Variants in CSMD1 observed in about 807,000 individuals in gnomAD.
The protein encoded by CSMD1 is CUB and sushi domain-containing protein 1.
A neutral mutation model predicts 417.5 loss-of-function variants in CSMD1; 213 were observed. The ratio of observed to expected loss-of-function variants is 0.51; its 90% CI spans 0.46 to 0.57. The LOEUF (loss-of-function observed/expected upper bound fraction) is 0.57. Ranked by LOEUF, CSMD1 falls within the 20% of genes least tolerant of loss-of-function variation. The pLI is 0.00. For missense variants in CSMD1, 6,923 were observed against 4,529.7 expected (o/e 1.53, Z -15.17); for synonymous variants, 2,862 against 1,736.8 (o/e 1.65, Z -16.11).
At chr8:3,771,765 C>A (rs1433762953) in intron 5 of CSMD1, among the ~76,000 whole-genome samples, 1 of 152,154 alleles carries the variant, frequency 6.6e-6, no homozygotes, top group Non-Finnish European at 1.5e-5. Flanking sequence ...ATGACAGCAT[C>A]ATGCTCTCTC....
chr8:4,463,112 C>G (rs1799937981), intron 2 of CSMD1, among the ~76,000 whole-genome samples: 1 of 152,014 alleles, frequency 6.6e-6, no homozygotes, highest in Middle Eastern at 3.2e-3. Context: ...GACAAATTAC[C>G]AAGTATGGGC....
At chr8:3,589,912 T>C (rs78238466) in intron 8 of CSMD1, among the ~76,000 whole-genome samples, 5,720 of 151,906 alleles carry the variant, frequency 0.038, 283 homozygotes, top group Admixed American at 0.13. Flanking sequence ...CTCTGACTAA[T>C]TGATTTCATT....
intron 26 of CSMD1, among the ~76,000 whole-genome samples, chr8:3,277,182 G>A (rs1474197181): frequency 1.3e-5 from 2 of 152,106 alleles, no homozygotes; most frequent in Non-Finnish European, 2.9e-5. Flanking sequence ...GGATGATGTT[G>A]AAAATTGCTT....
chr8:3,016,993 G>T (rs913079130), intron 52 of CSMD1, among the ~76,000 whole-genome samples: 1 of 152,196 alleles, frequency 6.6e-6, no homozygotes, highest in Non-Finnish European at 1.5e-5. Flanking sequence ...TCATTTAACA[G>T]TTATGTAAAC....
intron 3 of CSMD1, among the ~76,000 whole-genome samples, chr8:4,132,749 T>G (rs1223820216): frequency 1.3e-5 from 2 of 152,174 alleles, no homozygotes; most frequent in Admixed American, 6.5e-5. Context: ...GCAGAGATAG[T>G]GTTGATGTTC....
chr8:4,030,033 G>C (rs62502685), intron 4 of CSMD1, among the ~76,000 whole-genome samples: 3 of 152,184 alleles, frequency 2.0e-5, no homozygotes, highest in African/African-American at 4.8e-5. Context: ...AGCTCCAACA[G>C]TCTTGGGCAG....
At chr8:4,667,956 T>C (rs1479604306) in intron 1 of CSMD1, among the ~76,000 whole-genome samples, 1 of 152,260 alleles carries the variant, frequency 6.6e-6, no homozygotes, top group African/African-American at 2.4e-5. Flanking sequence ...ACAATTCTTT[T>C]ACCTGCCATT....
chr8:3,035,565 G>A (rs1011171163), intron 50 of CSMD1, among the ~76,000 whole-genome samples: 3 of 152,110 alleles, frequency 2.0e-5, no homozygotes, highest in Admixed American at 1.3e-4. Context: ...CATAGTTTCA[G>A]GAATTGAATC....
chr8:4,559,397 A>T (rs547507820), intron 2 of CSMD1, among the ~76,000 whole-genome samples: 31 of 152,256 alleles, frequency 2.0e-4, no homozygotes, highest in African/African-American at 7.2e-4. Flanking sequence ...ATACTATTTC[A>T]CCAAATACAC....
At chr8:4,020,537 A>C (rs1333588626) in intron 4 of CSMD1, among the ~76,000 whole-genome samples, 1 of 152,212 alleles carries the variant, frequency 6.6e-6, no homozygotes, top group African/African-American at 2.4e-5. Flanking sequence ...TGAACATCTC[A>C]GATAAGAAGA....
At chr8:4,897,613 C>A (rs1370410520) in intron 1 of CSMD1, among the ~76,000 whole-genome samples, 1 of 152,054 alleles carries the variant, frequency 6.6e-6, no homozygotes, top group African/African-American at 2.4e-5. Context: ...ATTCAAAACT[C>A]ATTATTTGTC....
intron 5 of CSMD1, among the ~76,000 whole-genome samples, chr8:3,848,299 A>C (rs979394576): frequency 6.6e-6 from 1 of 152,150 alleles, no homozygotes; most frequent in Non-Finnish European, 1.5e-5. Flanking sequence ...TTCTACTGCG[A>C]TCCCACTAAC....
At chr8:4,570,623 G>A (rs1371599011) in intron 2 of CSMD1, among the ~76,000 whole-genome samples, 1 of 152,122 alleles carries the variant, frequency 6.6e-6, no homozygotes, top group African/African-American at 2.4e-5. Flanking sequence ...TTGTGTCTCT[G>A]CCAGGTTTTG....
chr8:4,169,168 C>T (rs79525975), intron 3 of CSMD1, among the ~76,000 whole-genome samples: 5,320 of 152,250 alleles, frequency 0.035, 316 homozygotes, highest in African/African-American at 0.12. Flanking sequence ...AACACCGTCT[C>T]TACGGTTTCA....
At chr8:4,972,379 T>TC (rs1226257272) in intron 1 of CSMD1, among the ~76,000 whole-genome samples, 2 of 152,004 alleles carry the variant, frequency 1.3e-5, no homozygotes, top group East Asian at 3.9e-4. Context: ...TGGGAGCAGT[T>TC]CCCCCCATGC....
At chr8:3,970,459 C>G (rs918381571) in intron 5 of CSMD1, among the ~76,000 whole-genome samples, 3 of 152,142 alleles carry the variant, frequency 2.0e-5, no homozygotes, top group African/African-American at 4.8e-5. Context: ...AAACTCTTGT[C>G]TCTTCTGTAA....
At chr8:3,227,915 G>A (rs1369457513) in intron 27 of CSMD1, among the ~76,000 whole-genome samples, 2 of 151,864 alleles carry the variant, frequency 1.3e-5, no homozygotes, top group African/African-American at 2.4e-5. Flanking sequence ...TCACAGGCAT[G>A]CACCACCACC....
intron 31 of CSMD1, 139 bp from the exon 32 acceptor site, chr8:3,201,864 A>C: frequency 2.2e-6 from 1 of 454,476 alleles, no homozygotes; most frequent in South Asian, 6.2e-5. Flanking sequence ...ATATTAACTT[A>C]TTTTCTCTGC....
chr8:3,081,539 C>T (rs558174330), intron 49 of CSMD1, among the ~76,000 whole-genome samples: 19 of 152,156 alleles, frequency 1.2e-4, no homozygotes, highest in Admixed American at 5.2e-4. Context: ...TTAAGTTGGA[C>T]GTGGAAGTCT....
Sources: gnomAD v4.1 joint callset for allele counts (sites outside exome capture counted in the v4.1 genomes callset) on GRCh38, gnomAD v4.1.1 for gene constraint, MANE v1.5 for transcripts, NCBI Gene and HGNC (gene_info 2026-07-23, HGNC 2026-07-21) for gene names.